NSL1: variants seen among roughly 807,000 people sequenced by gnomAD.
The protein encoded by NSL1 is kinetochore-associated protein NSL1 homolog.
A neutral mutation model predicts 25.4 loss-of-function variants in NSL1; 11 were observed. The observed-to-expected ratio is 0.43, with a 90% CI of 0.27 to 0.72. NSL1 has a LOEUF of 0.72. Among genes scored for constraint, NSL1 ranks in the 30% least tolerant of loss-of-function variants. The pLI is 0.19. For synonymous variants in NSL1, 118 were observed against 120.6 expected (o/e 0.98, Z 0.14); for missense variants, 330 against 342.7 (o/e 0.96, Z 0.29).
rs1429316542 is a variant in NSL1 at position 212,726,633 on chromosome 1, C to G, written c.*11775G>C. ...TTGAATTTGTTCTAGGCTTGTGTCCCCCACCGACCACCTGGCTCATCTCAG... is the reference window on the plus strand; with the variant it reads ...TTGAATTTGTTCTAGGCTTGTGTCCGCCACCGACCACCTGGCTCATCTCAG... On this transcript the variant is annotated 3_prime_UTR_variant, in exon 6 of 6. Transcript: ENST00000366977. 6.5e-6 allele frequency: 1 copy of G among 153,112 alleles called. No individual in the cohort carries two copies. The highest frequency in any genetic ancestry group is 1.5e-5 in the Non-Finnish European group (1 of 68,756). The allele number at this position is 153,112 out of a possible 1,614,324, so 9.5% of individuals were successfully genotyped here.
chr1:212,731,242 A>G lies in NSL1; in HGVS notation c.*7166T>C. ...TAGAATTATCAGCCAAAAACAGAGA[A>G]TAGTAAGTCTTATCTGAAATATACT... is the stretch of plus-strand genomic sequence containing the variant. On this transcript the variant is annotated 3_prime_UTR_variant, in exon 6 of 6. Transcript: ENST00000366977. The G allele has an allele frequency of 2.0e-6, 2 of 985,206 alleles. No individual in the cohort carries two copies. The highest frequency in any genetic ancestry group is 2.4e-6 in the Non-Finnish European group (2 of 829,896). 61.0% of individuals were successfully genotyped at this position (985,206 alleles called of 1,614,324 possible).
At chr1:212,781,880 G>T in intron 4 of NSL1, 1 of 252,844 alleles carries the variant, frequency 4.0e-6, no homozygotes, top group South Asian at 4.5e-5. Context: ...CCTGTTGTAT[G>T]GGATACATAT....
At position 212,732,527 on chromosome 1, in the gene NSL1, C is replaced by T; in HGVS notation, c.*5881G>A. The stretch of plus-strand genomic sequence containing the variant: ...CAGGCTGGTCTCCAATTCCCAGCCT[C>T]AGGTGATCTGCCTGTCTCGGCCTCC... On this transcript the variant is annotated 3_prime_UTR_variant, in exon 6 of 6. Transcript: ENST00000366977. 2 of 664,726 alleles carry T rather than the reference C, an allele frequency of 3.0e-6. No homozygotes were observed. The highest frequency in any genetic ancestry group is 3.7e-6 in the Non-Finnish European group (2 of 536,864). The allele number at this position is 664,726 out of a possible 1,614,324, so 41.2% of individuals were successfully genotyped here. A position where few individuals can be genotyped will look rare whatever the true frequency, so the allele number is the denominator to read the frequency against.
rs1660490667 is a variant in NSL1 at position 212,778,523 on chromosome 1, TGAGTGCCTGC to T, written c.499+3839_499+3848del. ...GCCTGATTCTCCTGCCTCAGCCTGC[TGAGTGCCTGC>T]GATTGCAGGCGCGCGCCGCCACGCC... On this transcript the variant is annotated intron_variant, in intron 4 of 5. Transcript: ENST00000366977. Among the ~76,000 whole-genome samples, 9 of 152,262 alleles carry T rather than the reference TGAGTGCCTGC, an allele frequency of 5.9e-5. No individual in the cohort carries two copies. The South Asian group carries it at 1.9e-3, about 32-fold the overall frequency.
At chr1:212,746,001 T>C (rs769879463) in intron 4 of NSL1, among the ~76,000 whole-genome samples, 1 of 151,702 alleles carries the variant, frequency 6.6e-6, no homozygotes, top group African/African-American at 2.4e-5. Flanking sequence ...ACAAAACAAC[T>C]TGAAGGAGTT....
At position 212,727,288 on chromosome 1, in the gene NSL1, G is replaced by C. The variant is rs1375247639; in HGVS notation, c.*11120C>G. The C allele has an allele frequency of 7.5e-7, 1 of 1,334,940 alleles. No homozygotes were observed. The highest frequency in any genetic ancestry group is 3.0e-5 in the East Asian group (1 of 33,584). The allele number at this position is 1,334,940 out of a possible 1,614,324, so 82.7% of individuals were successfully genotyped here. A position where few individuals can be genotyped will look rare whatever the true frequency, so the allele number is the denominator to read the frequency against. ...ACTCAGAGCTGTTTCACAACCCTTT[G>C]TTCCAGGCAGGGCCCAGGATCCCCT... On this transcript the variant is annotated 3_prime_UTR_variant, in exon 6 of 6. Coordinates refer to ENST00000366977, the MANE Select transcript of NSL1 (RefSeq NM_015471.4).
intron 4 of NSL1, among the ~76,000 whole-genome samples, chr1:212,750,478 GGCCTA>G (rs1558044768): frequency 6.6e-6 from 1 of 152,116 alleles, no homozygotes; most frequent in African/African-American, 2.4e-5. Context: ...TTTTGCACCA[GGCCTA>G]GACAGCAGCC....
At chr1:212,746,529 A>C (rs1488528763) in intron 4 of NSL1, among the ~76,000 whole-genome samples, 1 of 152,168 alleles carries the variant, frequency 6.6e-6, no homozygotes, top group Non-Finnish European at 1.5e-5. Flanking sequence ...AAAATAGCAA[A>C]AGTCCTTCCT....
At chr1:212,759,831 G>A (rs991130013) in intron 4 of NSL1, among the ~76,000 whole-genome samples, 5 of 152,132 alleles carry the variant, frequency 3.3e-5, no homozygotes, top group African/African-American at 1.2e-4. Flanking sequence ...GGAACCAGCA[G>A]TGCAGTGCAC....
intron 4 of NSL1, among the ~76,000 whole-genome samples, chr1:212,779,508 G>T (rs1204417756): frequency 2.7e-5 from 3 of 112,928 alleles, no homozygotes; most frequent in Admixed American, 1.6e-4. Context: ...GGAGGGAGGT[G>T]GGGGGGTCAG....
chr1:212,762,321 AAAAAAG>A (rs1558051420), intron 4 of NSL1, among the ~76,000 whole-genome samples: 1 of 151,678 alleles, frequency 6.6e-6, no homozygotes, highest in Non-Finnish European at 1.5e-5. Context: ...AAAAAAAAAA[AAAAAAG>A]AAAAGAAGTT....
At chr1:212,745,201 T>TATATGC (rs1553251569) in intron 4 of NSL1, among the ~76,000 whole-genome samples, 5 of 78,964 alleles carry the variant, frequency 6.3e-5, no homozygotes, top group African/African-American at 3.6e-4. Flanking sequence ...TATATATATA[T>TATATGC]ATGCATATGC....
chr1:212,731,008 C>A lies in NSL1; in HGVS notation c.*7400G>T. On this transcript the variant is annotated 3_prime_UTR_variant, in exon 6 of 6. Coordinates refer to ENST00000366977, the MANE Select transcript of NSL1 (RefSeq NM_015471.4). ...AAGTATGAGCAATGTAGAGACACAG[C>A]AACGAATTACAAGGGATTCTTTACC... 3 of 985,388 alleles carry A rather than the reference C, an allele frequency of 3.0e-6. No homozygotes were observed. The highest frequency in any genetic ancestry group is 3.6e-6 in the Non-Finnish European group (3 of 829,924). 61.0% of individuals were successfully genotyped at this position (985,388 alleles called of 1,614,324 possible).
At chr1:212,790,941 A>AAATAAAT (rs1553255519) in intron 1 of NSL1, among the ~76,000 whole-genome samples, 106 of 151,722 alleles carry the variant, frequency 7.0e-4, no homozygotes, top group African/African-American at 2.4e-3. Context: ...AAAATAAAAT[A>AAATAAAT]AAATAAATAA....
rs944497039 is a variant in NSL1 at position 212,730,957 on chromosome 1, G to C, written c.*7451C>G. The C allele has an allele frequency of 1.0e-6, 1 of 985,242 alleles. No homozygotes were observed. Among genetic ancestry groups the C allele is most frequent in the African/African-American group, 1.7e-5 (1 of 57,230 alleles). 61.0% of individuals were successfully genotyped at this position (985,242 alleles called of 1,614,324 possible). On this transcript the variant is annotated 3_prime_UTR_variant, in exon 6 of 6. Coordinates refer to ENST00000366977, the MANE Select transcript of NSL1 (RefSeq NM_015471.4). Reference sequence around the variant, plus strand: ...TGCAATATGAACTCATTCATTCAACGAATATTAGTTTACAGCCCATGGGCA... The same window carrying C: ...TGCAATATGAACTCATTCATTCAACCAATATTAGTTTACAGCCCATGGGCA...
At chr1:212,744,043 A>AC (rs1405250240) in intron 4 of NSL1, among the ~76,000 whole-genome samples, 1 of 152,178 alleles carries the variant, frequency 6.6e-6, no homozygotes. Context: ...TCTGTTAAAA[A>AC]CATTGAAAGG....
chr1:212,791,003 G>A (rs998077353), intron 1 of NSL1, among the ~76,000 whole-genome samples: 5 of 152,140 alleles, frequency 3.3e-5, no homozygotes, highest in African/African-American at 9.7e-5. Context: ...GTGAATGGCT[G>A]ACTTCCAGAA....
intron 4 of NSL1, among the ~76,000 whole-genome samples, chr1:212,755,414 A>C (rs1659257658): frequency 6.6e-6 from 1 of 151,944 alleles, no homozygotes; most frequent in East Asian, 1.9e-4. Flanking sequence ...AAAACCAAAT[A>C]ATCTCTCACA....
chr1:212,789,371 C>A (rs1006431509), intron 1 of NSL1, among the ~76,000 whole-genome samples: 2 of 152,106 alleles, frequency 1.3e-5, no homozygotes, highest in Non-Finnish European at 2.9e-5. Flanking sequence ...GCCATCACAC[C>A]CGGCTAATTT....
Sources: allele counts gnomAD v4.1 joint callset (sites outside exome capture counted in the v4.1 genomes callset), GRCh38; gene constraint gnomAD v4.1.1; transcripts MANE v1.5; gene names NCBI Gene and HGNC (gene_info 2026-07-23, HGNC 2026-07-21).